PRMT7: variants seen among roughly 807,000 people sequenced by gnomAD.
The protein encoded by PRMT7 is protein arginine N-methyltransferase 7.
In PRMT7, 75 loss-of-function variants were observed where a neutral mutation model predicts 85.4. The ratio of observed to expected loss-of-function variants is 0.88; its 90% CI spans 0.73 to 1.06. The LOEUF is 1.06. PRMT7 is among the 50% of genes least tolerant of loss of function. The pLI, the probability that PRMT7 is intolerant of heterozygous loss-of-function variation, is 0.00. For missense variants in PRMT7, 868 were observed against 915.2 expected (o/e 0.95, Z 0.67); for synonymous variants, 397 against 359.5 (o/e 1.10, Z -1.18).
chr16:68,355,603 T>G, intron 16 of PRMT7, 120 bp from the exon 17 acceptor site: 1 of 1,087,298 alleles, frequency 9.2e-7, no homozygotes, highest in Non-Finnish European at 1.2e-6. Flanking sequence ...GCGCTCGGCA[T>G]CTTTATGGGA....
At chr16:68,340,343 C>T (rs954028687) in intron 9 of PRMT7, among the ~76,000 whole-genome samples, 3 of 152,166 alleles carry the variant, frequency 2.0e-5, no homozygotes, top group Non-Finnish European at 2.9e-5. Context: ...TTCTCCACCC[C>T]GATAGAAAGT....
At chr16:68,324,546 C>T in intron 4 of PRMT7, 137 bp from the exon 5 acceptor site, 1 of 1,026,854 alleles carries the variant, frequency 9.7e-7, no homozygotes, top group Non-Finnish European at 1.4e-6. Flanking sequence ...TCAGCCAGAG[C>T]TGTTCTGCCA....
At chr16:68,352,465 T>C in intron 15 of PRMT7, 56 bp downstream of exon 15, 1 of 1,536,058 alleles carries the variant, frequency 6.5e-7, no homozygotes. Context: ...TGGGGAACCT[T>C]GTTTTCTTGC....
In PRMT7 at chr16:68,339,505, C is replaced by G; in HGVS notation, c.688C>G (p.Leu230Val). The G allele has an allele frequency of 3.7e-6, 6 of 1,614,184 alleles. No individual in the cohort carries two copies. Among genetic ancestry groups the G allele is most frequent in the Non-Finnish European group, 5.1e-6 (6 of 1,180,042 alleles). ...CGCACCCTCTGTCTGTGACATTCAG[C>G]TGAACCAGGTGTCACCAGCCGACTT... ...PGAPSVCDIQ[L>V]NQVSPADFTV... Residue 230 changes from leucine to valine, a missense_variant, in exon 8 of 19, where the codon CTG becomes GTG. Leu to Val is a conservative substitution (Grantham distance 32). Transcript: ENST00000441236.
intron 6 of PRMT7, among the ~76,000 whole-genome samples, chr16:68,336,625 A>G (rs2084730372): frequency 6.6e-6 from 1 of 152,160 alleles, no homozygotes; most frequent in Non-Finnish European, 1.5e-5. Context: ...TTTAATTGTT[A>G]ATTTATATCT....
rs1002043421 is a variant in PRMT7, at chr16:68,346,119, G to A, written c.1056-26G>A. The A allele has an allele frequency of 2.5e-5, 41 of 1,611,636 alleles. 1 individual carries two copies. The East Asian group carries it at 8.7e-4, about 34-fold the overall frequency. On this transcript the variant is annotated intron_variant, in intron 10 of 18. Transcript: ENST00000441236. ...ACCTGTGGAGGCGCTCACAGCCCAC[G>A]TCTGTTTGTTCATCTCCTGGCCTAG...
At chr16:68,312,229 A>ATATATATATATT (rs1419393129) in intron 2 of PRMT7, 53 bp downstream of exon 2, 20 of 112,678 alleles carry the variant, frequency 1.8e-4, no homozygotes, top group African/African-American at 7.4e-4. Context: ...ATATATATAT[A>ATATATATATATT]TTTTTTTTTT....
At chr16:68,321,286 T>G in intron 3 of PRMT7, 140 bp from the exon 4 acceptor site, 1 of 606,146 alleles carries the variant, frequency 1.6e-6, no homozygotes, top group Non-Finnish European at 2.7e-6. Context: ...AAAAAATAAA[T>G]AAAGATAAAA....
intron 6 of PRMT7, chr16:68,329,448 G>T: frequency 1.2e-5 from 3 of 259,632 alleles, no homozygotes; most frequent in Non-Finnish European, 2.3e-5. Flanking sequence ...ATTCTTATGG[G>T]GCTCAACTCT....
chr16:68,315,876 G>A (rs1417330674), intron 2 of PRMT7, 21 bp from the exon 3 acceptor site: 2 of 937,508 alleles, frequency 2.1e-6, no homozygotes, highest in Admixed American at 2.1e-5. Flanking sequence ...TATACCTCCT[G>A]TTTCCTTCTG....
In PRMT7 at chr16:68,329,107, GA is replaced by G. The variant is rs1468714079; in HGVS notation, c.329del (p.Asn110MetfsTer17). On this transcript the variant is annotated frameshift_variant, in exon 6 of 19. Transcript: ENST00000441236. LOFTEE classifies it high-confidence loss of function. ...MADAAVKIVE[K>X]NGFSDKIKVI... ...CTGATGCTGCTGTGAAGATTGTGGA[GA>G]AAAATGGCTTTAGTGATAAGATTAA... 1 of 1,612,940 alleles carries G rather than the reference GA, an allele frequency of 6.2e-7. No individual in the cohort carries two copies. Among genetic ancestry groups the G allele is most frequent in the Non-Finnish European group, 8.5e-7 (1 of 1,178,972 alleles).
At chr16:68,332,081 G>A (rs1297396817) in intron 6 of PRMT7, among the ~76,000 whole-genome samples, 1 of 152,186 alleles carries the variant, frequency 6.6e-6, no homozygotes, top group African/African-American at 2.4e-5. Flanking sequence ...ACTTTGGCAT[G>A]CAGTTGGGTT....
chr16:68,337,358 T>C (rs2084856541), intron 6 of PRMT7, 101 bp from the exon 7 acceptor site: 1 of 734,180 alleles, frequency 1.4e-6, no homozygotes, highest in African/African-American at 1.8e-5. Flanking sequence ...TATGTGCTTT[T>C]AGCGTGATGG....
chr16:68,317,539 A>G (rs2082006378), intron 3 of PRMT7, among the ~76,000 whole-genome samples: 1 of 152,074 alleles, frequency 6.6e-6, no homozygotes, highest in South Asian at 2.1e-4. Flanking sequence ...AACAAAGACC[A>G]AAAACAGGCT....
chr16:68,311,055 T>C lies in PRMT7; in HGVS notation c.-263T>C, dbSNP rs1161409724. 3.5e-6 allele frequency: 3 copies of C among 860,512 alleles called. No homozygotes were observed. Among genetic ancestry groups the C allele is most frequent in the African/African-American group, 3.3e-5 (2 of 60,054 alleles). 53.3% of individuals were successfully genotyped at this position (860,512 alleles called of 1,614,324 possible). On this transcript the variant is annotated 5_prime_UTR_variant, in exon 1 of 19. Coordinates refer to ENST00000441236, the MANE Select transcript of PRMT7 (RefSeq NM_019023.5). The stretch of plus-strand genomic sequence containing the variant: ...GTCCCGCCCCGCGTGCTGGCCGCGG[T>C]AAAAGTGGTAGCAGCGGAGGCGAGC...
At chr16:68,316,392 G>GT (rs2081857356) in intron 3 of PRMT7, among the ~76,000 whole-genome samples, 1 of 152,052 alleles carries the variant, frequency 6.6e-6, no homozygotes, top group South Asian at 2.1e-4. Context: ...ATGGTGACAT[G>GT]TTCATCATAT....
intron 12 of PRMT7, 78 bp from the exon 13 acceptor site, chr16:68,347,553 G>A: frequency 1.4e-6 from 2 of 1,476,704 alleles, no homozygotes; most frequent in South Asian, 1.1e-5. Flanking sequence ...TCTTAGGATG[G>A]TCTTGTCGCA....
At chr16:68,335,017 G>A (rs1276084406) in intron 6 of PRMT7, among the ~76,000 whole-genome samples, 1 of 152,044 alleles carries the variant, frequency 6.6e-6, no homozygotes, top group Admixed American at 6.6e-5. Flanking sequence ...GGCTGGTATC[G>A]AACTCCTGGC....
In PRMT7 at chr16:68,355,815, G is replaced by T. The variant is rs368949262; in HGVS notation, c.1743G>T (p.Leu581=). The T allele has an allele frequency of 1.3e-5, 21 of 1,611,368 alleles. No individual in the cohort carries two copies. Among genetic ancestry groups the T allele is most frequent in the Non-Finnish European group, 1.8e-5 (21 of 1,179,472 alleles). ...CRSLSEPWQI[L]TFDFQQPVPL... ...GCCTCTCCGAGCCCTGGCAGATCCTGACCTTTGACTTCCAGCAGCCGGTGC... is the reference window on the plus strand; with the variant it reads ...GCCTCTCCGAGCCCTGGCAGATCCTTACCTTTGACTTCCAGCAGCCGGTGC... The change falls in exon 17 of 19, where the codon CTG becomes CTT. Residue 581 remains leucine (L), a synonymous_variant. Transcript: ENST00000441236.
Sources: gnomAD v4.1 joint callset for allele counts (sites outside exome capture counted in the v4.1 genomes callset) on GRCh38, gnomAD v4.1.1 for gene constraint, MANE v1.5 for transcripts, NCBI Gene and HGNC (gene_info 2026-07-23, HGNC 2026-07-21) for gene names.